Variants in FAR2 observed in about 807,000 individuals in gnomAD.
FAR2 encodes fatty acyl-CoA reductase 2.
In FAR2, 19 loss-of-function variants were observed where a neutral mutation model predicts 56.0. That is an observed-to-expected ratio of 0.34 (90% CI 0.24 to 0.50). The LOEUF (loss-of-function observed/expected upper bound fraction) is 0.50. Ranked by LOEUF, FAR2 falls within the 20% of genes least tolerant of loss-of-function variation. The pLI is 0.98. For synonymous variants in FAR2, 219 were observed against 218.8 expected (o/e 1.00, Z -0.01); for missense variants, 508 against 642.2 (o/e 0.79, Z 2.26).
chr12:29,172,662 G>A (rs1949899122), intron 1 of FAR2, among the ~76,000 whole-genome samples: 1 of 152,194 alleles, frequency 6.6e-6, no homozygotes, highest in Non-Finnish European at 1.5e-5. Context: ...ATATGCAGCT[G>A]ATTGGGTAAT....
chr12:29,208,706 A>T (rs940018170), intron 1 of FAR2, among the ~76,000 whole-genome samples: 3 of 152,210 alleles, frequency 2.0e-5, no homozygotes, highest in Admixed American at 1.3e-4. Flanking sequence ...AAAATTATAA[A>T]ATATGAGCTA....
chr12:29,184,498 G>A lies in FAR2; in HGVS notation c.-39+35091G>A, dbSNP rs143198411. 1.8e-4 allele frequency among the ~76,000 whole-genome samples: 24 copies of A among 132,682 alleles called. 1 individual carries two copies. The highest frequency in any genetic ancestry group is 5.1e-4 in the South Asian group (2 of 3,942). The allele number at this position is 132,682 out of a possible 152,430, so 87.0% of individuals were successfully genotyped here. A position where few individuals can be genotyped will look rare whatever the true frequency, so the allele number is the denominator to read the frequency against. ...CGCCCAGGCTGGAGTGCAGTGGCGC[G>A]ATCTCAGCTCACTGCAACCTCCGCT... On this transcript the variant is annotated intron_variant, in intron 1 of 11. Transcript: ENST00000536681.
At chr12:29,308,752 G>C (rs1432190373) in intron 5 of FAR2, among the ~76,000 whole-genome samples, 2 of 141,512 alleles carry the variant, frequency 1.4e-5, no homozygotes, top group African/African-American at 5.8e-5. Flanking sequence ...ATCTGGCATG[G>C]ACTCTATAGC....
At chr12:29,164,255 C>T (rs1451965944) in intron 1 of FAR2, among the ~76,000 whole-genome samples, 1 of 152,238 alleles carries the variant, frequency 6.6e-6, no homozygotes, top group Non-Finnish European at 1.5e-5. Context: ...TTCACTTATG[C>T]AGGCACGAGG....
intron 9 of FAR2, among the ~76,000 whole-genome samples, chr12:29,321,091 T>G (rs528396245): frequency 4.0e-5 from 6 of 151,802 alleles, no homozygotes; most frequent in African/African-American, 1.2e-4. Context: ...ACAAGAAGTT[T>G]TTTTTTTTTT....
intron 1 of FAR2, among the ~76,000 whole-genome samples, chr12:29,250,526 T>G (rs1284135443): frequency 2.0e-5 from 3 of 152,206 alleles, no homozygotes; most frequent in Non-Finnish European, 4.4e-5. Flanking sequence ...ATCTTATACC[T>G]CATATTATTT....
intron 1 of FAR2, among the ~76,000 whole-genome samples, chr12:29,234,874 T>A (rs1227025984): frequency 6.6e-6 from 1 of 152,204 alleles, no homozygotes; most frequent in Non-Finnish European, 1.5e-5. Flanking sequence ...CCTCATAGCT[T>A]ATGTATTTTA....
Position 29,191,164 on chromosome 12 carries a change from T to C in FAR2, c.-39+41757T>C, listed in dbSNP as rs533172663. ...TGTAGAAAATCTGCAGACACATTTA[T>C]GATCAGGGACTTCTTTCCCTTCCTA... On this transcript the variant is annotated intron_variant, in intron 1 of 11. Transcript: ENST00000536681. 4.6e-5 allele frequency among the ~76,000 whole-genome samples: 7 copies of C among 152,358 alleles called. No homozygotes were observed. The South Asian group carries it at 1.4e-3, about 32-fold the overall frequency.
intron 2 of FAR2, among the ~76,000 whole-genome samples, chr12:29,290,349 G>A (rs1053820856): frequency 2.0e-5 from 3 of 152,070 alleles, no homozygotes; most frequent in African/African-American, 4.8e-5. Flanking sequence ...AGGAGGCTGA[G>A]GCAAGAGAAT....
chr12:29,177,204 C>T (rs894966057), intron 1 of FAR2, among the ~76,000 whole-genome samples: 1 of 152,186 alleles, frequency 6.6e-6, no homozygotes, highest in African/African-American at 2.4e-5. Context: ...TTCAAACAAA[C>T]ACCCAGATTT....
intron 9 of FAR2, among the ~76,000 whole-genome samples, chr12:29,320,676 G>A (rs1221860915): frequency 6.6e-6 from 1 of 152,184 alleles, no homozygotes; most frequent in African/African-American, 2.4e-5. Context: ...GATTAGCTAT[G>A]GGACCTTGAG....
chr12:29,268,682 A>G (rs1458652656), intron 1 of FAR2, among the ~76,000 whole-genome samples: 1 of 152,148 alleles, frequency 6.6e-6, no homozygotes, highest in Admixed American at 6.6e-5. Context: ...CAAGGAAGAG[A>G]TTAACAAAAC....
At chr12:29,251,652 T>A (rs574841278) in intron 1 of FAR2, among the ~76,000 whole-genome samples, 1 of 152,254 alleles carries the variant, frequency 6.6e-6, no homozygotes, top group Admixed American at 6.5e-5. Flanking sequence ...CCCTGACTTG[T>A]GGAGTGAGGG....
At position 29,266,542 on chromosome 12, in the gene FAR2, A is replaced by G. The variant is rs551788325; in HGVS notation, c.-38-3870A>G. Among the ~76,000 whole-genome samples the G allele has an allele frequency of 5.3e-5, 8 of 152,198 alleles. No homozygotes were observed. The South Asian group carries it at 1.7e-3, about 32-fold the overall frequency. ...TGAAGGGAGTGGGTAATGGGAACAAAAATACAATTAAGCAGAATGAATAGG... is the reference window on the plus strand; with the variant it reads ...TGAAGGGAGTGGGTAATGGGAACAAGAATACAATTAAGCAGAATGAATAGG... On this transcript the variant is annotated intron_variant, in intron 1 of 11. Transcript: ENST00000536681.
chr12:29,256,194 TG>T (rs980276889), intron 1 of FAR2, among the ~76,000 whole-genome samples: 16 of 151,676 alleles, frequency 1.1e-4, no homozygotes, highest in Middle Eastern at 6.9e-3. Context: ...AAATTATTAT[TG>T]TTTTTTTTAA....
At chr12:29,229,494 G>T (rs1188385045) in intron 1 of FAR2, among the ~76,000 whole-genome samples, 1 of 151,746 alleles carries the variant, frequency 6.6e-6, no homozygotes, top group Non-Finnish European at 1.5e-5. Flanking sequence ...TAAGCTTTAG[G>T]TCTGTTTTTA....
intron 1 of FAR2, among the ~76,000 whole-genome samples, chr12:29,177,821 T>C (rs1949952543): frequency 8.4e-6 from 1 of 119,724 alleles, no homozygotes. Flanking sequence ...AAATAGCTAT[T>C]GTAGTATAAG....
intron 1 of FAR2, among the ~76,000 whole-genome samples, chr12:29,190,474 T>A (rs1007613272): frequency 3.3e-5 from 5 of 152,126 alleles, no homozygotes; most frequent in Admixed American, 2.6e-4. Flanking sequence ...TTAATTTATT[T>A]ATTTATTGAG....
intron 1 of FAR2, among the ~76,000 whole-genome samples, chr12:29,164,041 C>T (rs1222280857): frequency 6.6e-6 from 1 of 152,086 alleles, no homozygotes; most frequent in African/African-American, 2.4e-5. Flanking sequence ...TAATAGATAC[C>T]CTCTAAGGGG....
Sources: allele counts gnomAD v4.1 joint callset (sites outside exome capture counted in the v4.1 genomes callset), GRCh38; gene constraint gnomAD v4.1.1; transcripts MANE v1.5; gene names NCBI Gene and HGNC (gene_info 2026-07-23, HGNC 2026-07-21).